The following ZNF254 variants were observed in gnomAD, a reference collection of about 807,000 sequenced individuals.
ZNF254 encodes CTD-2017D11.1.
ZNF254 carries 10 observed loss-of-function variants against 12.4 expected under a neutral mutation model. The ratio of observed to expected loss-of-function variants is 0.80; its 90% confidence interval spans 0.50 to 1.36. The LOEUF is 1.36. ZNF254 is among the 40% of genes most tolerant of loss of function. The probability of loss-of-function intolerance (pLI) is 0.00; values close to 1 mark genes in which losing one functional copy is unlikely to be tolerated. For missense variants in ZNF254, 996 were observed against 763.9 expected (o/e 1.30, Z -3.58); for synonymous variants, 305 against 253.4 (o/e 1.20, Z -1.93).
At chr19:24,124,532 TA>T in intron 3 of ZNF254, among the ~76,000 whole-genome samples, 1 of 152,284 alleles carries the variant, frequency 6.6e-6, no homozygotes, top group African/African-American at 2.4e-5. Context: ...ATGTAGGGCA[TA>T]TGCATTTCCA....
chr19:24,050,366 G>A (rs1016624433), intron 2 of ZNF254, among the ~76,000 whole-genome samples: 4 of 152,006 alleles, frequency 2.6e-5, no homozygotes, highest in Non-Finnish European at 5.9e-5. Flanking sequence ...CACCCTGTTG[G>A]CCAGGCCGAT....
chr19:24,034,401 G>T (rs895716046), intron 1 of ZNF254, among the ~76,000 whole-genome samples: 9 of 151,750 alleles, frequency 5.9e-5, no homozygotes, highest in African/African-American at 1.9e-4. Flanking sequence ...AAATGGGGTT[G>T]GGAGGCTTTT....
chr19:24,053,736 C>T (rs866365976), intron 2 of ZNF254, among the ~76,000 whole-genome samples: 1 of 152,164 alleles, frequency 6.6e-6, no homozygotes, highest in Middle Eastern at 3.4e-3. Flanking sequence ...GAATCTCCTG[C>T]ATGGGCCCTG....
intron 1 of ZNF254, among the ~76,000 whole-genome samples, chr19:24,099,144 C>T (rs559285725): frequency 1.1e-4 from 16 of 151,118 alleles, no homozygotes; most frequent in African/African-American, 3.4e-4. Flanking sequence ...TACAGGTGCC[C>T]TCCACCATGC....
At chr19:24,074,032 A>G (rs1355927353) in intron 2 of ZNF254, among the ~76,000 whole-genome samples, 1 of 152,168 alleles carries the variant, frequency 6.6e-6, no homozygotes, top group Admixed American at 6.5e-5. Flanking sequence ...AGCACTGCCC[A>G]CAGGGAGGCA....
rs191974960 is a variant in ZNF254 at position 24,121,082 on chromosome 19, C to T, written c.254-5172C>T. Among the ~76,000 whole-genome samples the T allele has an allele frequency of 6.0e-5, 9 of 151,164 alleles. No homozygotes were observed. In the East Asian group the frequency reaches 1.7e-3, roughly 29 times the overall value. On this transcript the variant is annotated intron_variant, in intron 3 of 3. Coordinates refer to ENST00000357002, the MANE Select transcript of ZNF254 (RefSeq NM_203282.4). ...GTAGAACTGTGCTAGTGGTGATGAA[C>T]TCCCTCAACTTTTATTTTGGAGATT... is the stretch of plus-strand genomic sequence containing the variant.
chr19:24,092,605 TC>T (rs1324536783), intron 1 of ZNF254, among the ~76,000 whole-genome samples: 1 of 152,094 alleles, frequency 6.6e-6, no homozygotes, highest in Non-Finnish European at 1.5e-5. Context: ...GGTCTCAAAC[TC>T]CTGAGCTCAG....
chr19:24,045,696 A>G (rs991811228), intron 1 of ZNF254, among the ~76,000 whole-genome samples: 5 of 150,006 alleles, frequency 3.3e-5, no homozygotes, highest in Admixed American at 6.6e-5. Flanking sequence ...AAGGAAATCT[A>G]GCCCCTTCTT....
At chr19:24,066,684 AAAACAAAACAAAACAAAAC>A (rs1307616558) in intron 2 of ZNF254, 7 of 162 alleles carry the variant, frequency 0.043, no homozygotes, top group African/African-American at 0.19. Flanking sequence ...TGTCTCTACT[AAAACAAAACAAAACAAAAC>A]AAAACAAAAC....
intron 2 of ZNF254, among the ~76,000 whole-genome samples, chr19:24,071,454 C>T (rs986262064): frequency 3.3e-5 from 5 of 152,200 alleles, no homozygotes; most frequent in Admixed American, 1.3e-4. Flanking sequence ...AATTTTTCCC[C>T]ATGCCTGGGT....
intron 3 of ZNF254, among the ~76,000 whole-genome samples, chr19:24,115,758 T>A (rs118168272): frequency 0.037 from 5,686 of 152,280 alleles, 169 homozygotes; most frequent in Admixed American, 0.055. Flanking sequence ...CTGGTTATTT[T>A]GCTCGTTAGT....
chr19:24,095,759 CCTT>C (rs1331034924), intron 1 of ZNF254, among the ~76,000 whole-genome samples: 1 of 151,616 alleles, frequency 6.6e-6, no homozygotes, highest in Non-Finnish European at 1.5e-5. Context: ...TTATTTGGGT[CCTT>C]CTTCCTTATC....
At position 24,126,939 on chromosome 19, in the gene ZNF254, G is replaced by T; in HGVS notation, c.939G>T (p.Lys313Asn). ...GGTCCTCAACCCTTACTGAGCATAA[G>T]AAAATTCATACTAGAAAGAAACCCT... ...FIWSSTLTEH[K>N]KIHTRKKPYK... Residue 313 changes from lysine to asparagine, a missense_variant, in exon 4 of 4, where the codon AAG becomes AAT. By Grantham distance (94) the Lys-to-Asn change is moderately conservative (BLOSUM62 0). Coordinates refer to ENST00000357002, the MANE Select transcript of ZNF254 (RefSeq NM_203282.4). 6.2e-7 allele frequency: 1 copy of T among 1,613,352 alleles called. No individual in the cohort carries two copies. The highest frequency in any genetic ancestry group is 8.5e-7 in the Non-Finnish European group (1 of 1,179,722).
At chr19:24,049,409 G>T (rs1052229738) in intron 2 of ZNF254, 4 of 151,372 alleles carry the variant, frequency 2.6e-5, no homozygotes, top group African/African-American at 9.7e-5. Context: ...TTCCAGTCCA[G>T]ATGTATAATC....
intron 2 of ZNF254, among the ~76,000 whole-genome samples, chr19:24,054,378 C>T (rs1471985627): frequency 1.3e-5 from 2 of 152,194 alleles, no homozygotes; most frequent in African/African-American, 2.4e-5. Flanking sequence ...TGATGACTCT[C>T]ATACCTCTAG....
intron 3 of ZNF254, among the ~76,000 whole-genome samples, chr19:24,124,241 CTTA>C (rs895060660): frequency 1.1e-4 from 17 of 151,868 alleles, no homozygotes; most frequent in African/African-American, 3.9e-4. Flanking sequence ...AAAATTTGTT[CTTA>C]TTATACCTTC....
At chr19:24,063,399 G>A (rs1397874080) in intron 2 of ZNF254, among the ~76,000 whole-genome samples, 4 of 152,310 alleles carry the variant, frequency 2.6e-5, no homozygotes, top group African/African-American at 9.6e-5. Flanking sequence ...AGCGCACAGT[G>A]GTCATTGTGA....
At chr19:24,043,300 C>T (rs562169468) in intron 1 of ZNF254, among the ~76,000 whole-genome samples, 4 of 151,314 alleles carry the variant, frequency 2.6e-5, no homozygotes, top group African/African-American at 9.7e-5. Flanking sequence ...CTTACTTTGT[C>T]GCCCAGGCTA....
chr19:24,047,987 C>G (rs1343056529), intron 2 of ZNF254, among the ~76,000 whole-genome samples: 1 of 100,780 alleles, frequency 9.9e-6, no homozygotes, highest in African/African-American at 3.9e-5. Flanking sequence ...GCACCCGGCT[C>G]TTTTTTTCTT....
Sources: allele counts gnomAD v4.1 joint callset (sites outside exome capture counted in the v4.1 genomes callset), GRCh38; gene constraint gnomAD v4.1.1; transcripts MANE v1.5; gene names NCBI Gene and HGNC (gene_info 2026-07-23, HGNC 2026-07-21).